TRMO: variants seen among roughly 807,000 people sequenced by gnomAD.
The protein encoded by TRMO is tRNA (adenine(37)-N6)-methyltransferase.
A neutral mutation model predicts 37.2 loss-of-function variants in TRMO; 30 were observed. That is an observed-to-expected ratio of 0.81 (90% CI 0.60 to 1.09). The LOEUF (loss-of-function observed/expected upper bound fraction) is 1.09. TRMO is among the 50% of genes least tolerant of loss of function. TRMO has a pLI of 0.00. For missense variants in TRMO, 552 were observed against 549.5 expected (o/e 1.00, Z -0.05); for synonymous variants, 239 against 199.4 (o/e 1.20, Z -1.67).
Position 97,913,507 on chromosome 9 carries a change from C to T in TRMO, c.303G>A (p.Val101=). The change falls in exon 3 of 5, where the codon GTG becomes GTA. Residue 101 remains valine, a synonymous_variant. Coordinates refer to ENST00000375119, the MANE Select transcript of TRMO (RefSeq NM_016481.5). ...TTGCACCATTCAGCCTAGGAGGCTG[C>T]ACTTTTGCCTTACAGCTCAAATGAC... ...KNGHLSCKAK[V]QPPRLNGAKT... is the part of the protein sequence containing the mutation. 1.9e-6 allele frequency: 3 copies of T among 1,613,926 alleles called. No homozygotes were observed. The highest frequency in any genetic ancestry group is 2.2e-5 in the South Asian group (2 of 91,044).
At chr9:97,919,899 T>C (rs1826546576) in intron 1 of TRMO, among the ~76,000 whole-genome samples, 1 of 152,210 alleles carries the variant, frequency 6.6e-6, no homozygotes, top group African/African-American at 2.4e-5. Context: ...GAAAGAGTTC[T>C]TCTAACTCTG....
downstream of TRMO, among the ~76,000 whole-genome samples, chr9:97,902,539 T>C (rs1825700134): frequency 6.6e-6 from 1 of 152,146 alleles, no homozygotes; most frequent in African/African-American, 2.4e-5. Context: ...TGACGTCAAA[T>C]GATCCACCCG....
chr9:97,919,219 T>C (rs1179029065), intron 1 of TRMO, among the ~76,000 whole-genome samples: 1 of 152,168 alleles, frequency 6.6e-6, no homozygotes, highest in Non-Finnish European at 1.5e-5. Context: ...ATATCTTCTT[T>C]ATGTCTGGAA....
At chr9:97,901,204 G>T (rs1184595051), downstream of TRMO, among the ~76,000 whole-genome samples, 3 of 152,140 alleles carry the variant, frequency 2.0e-5, no homozygotes, top group African/African-American at 2.4e-5. Flanking sequence ...GCACCAAAAA[G>T]CAAAGGCTAA....
At chr9:97,911,898 C>T (rs1826141359) in intron 3 of TRMO, 1 of 152,068 alleles carries the variant, frequency 6.6e-6, no homozygotes, top group African/African-American at 2.4e-5. Flanking sequence ...AATACAGGAC[C>T]CTGATTTCTG....
downstream of TRMO, among the ~76,000 whole-genome samples, chr9:97,904,226 T>C (rs1344519643): frequency 6.6e-6 from 1 of 152,196 alleles, no homozygotes; most frequent in Non-Finnish European, 1.5e-5. Flanking sequence ...TATATATATG[T>C]GTGTGTGACT....
chr9:97,904,894 G>T lies in TRMO; in HGVS notation c.1165C>A (p.Arg389=), dbSNP rs376134748. 4 of 1,614,176 alleles carry T rather than the reference G, an allele frequency of 2.5e-6. No individual in the cohort carries two copies. The Admixed American group carries it at 6.7e-5, about 27-fold the overall frequency. The change falls in exon 5 of 5, where the codon CGG becomes AGG. Residue 389 remains arginine (R), a synonymous_variant. Coordinates refer to ENST00000375119, the MANE Select transcript of TRMO (RefSeq NM_016481.5). Reference sequence around the variant, plus strand: ...AAAAGGCGGTCCTGGCAAAGCTTCCGGCGGTACACAGACCGAGGATCCGCT... The same window carrying T: ...AAAAGGCGGTCCTGGCAAAGCTTCCTGCGGTACACAGACCGAGGATCCGCT... ...LSADPRSVYR[R]KLCQDRLFYF...
intron 3 of TRMO, chr9:97,912,960 G>C: frequency 7.7e-7 from 1 of 1,302,296 alleles, no homozygotes; most frequent in South Asian, 1.2e-5. Context: ...CATGATATCT[G>C]TCCATTTCCC....
chr9:97,919,988 T>C (rs1178194211), intron 1 of TRMO, among the ~76,000 whole-genome samples: 1 of 152,214 alleles, frequency 6.6e-6, no homozygotes, highest in Non-Finnish European at 1.5e-5. Flanking sequence ...CTGGGACATA[T>C]TTATACATTC....
At chr9:97,907,604 G>A (rs749680778) in intron 4 of TRMO, among the ~76,000 whole-genome samples, 44 of 152,154 alleles carry the variant, frequency 2.9e-4, no homozygotes, top group Admixed American at 1.4e-3. Flanking sequence ...TCACTGAGGT[G>A]TGACATCCCA....
At chr9:97,907,393 T>G (rs1442223052) in intron 4 of TRMO, among the ~76,000 whole-genome samples, 1 of 152,208 alleles carries the variant, frequency 6.6e-6, no homozygotes, top group African/African-American at 2.4e-5. Flanking sequence ...CAGTCCCAAC[T>G]TTTAGACTTC....
downstream of TRMO, among the ~76,000 whole-genome samples, chr9:97,899,767 C>T (rs570339863): frequency 2.0e-5 from 3 of 152,050 alleles, no homozygotes; most frequent in South Asian, 4.2e-4. Context: ...TGGTGGCGTG[C>T]GCCTGTAGCC....
intron 1 of TRMO, among the ~76,000 whole-genome samples, chr9:97,917,537 A>C (rs1826425757): frequency 6.6e-6 from 1 of 152,220 alleles, no homozygotes; most frequent in South Asian, 2.1e-4. Flanking sequence ...ATTAATGTGG[A>C]AATTGAAAAA....
intron 2 of TRMO, among the ~76,000 whole-genome samples, chr9:97,914,714 A>G (rs1412685770): frequency 6.6e-6 from 1 of 152,222 alleles, no homozygotes; most frequent in African/African-American, 2.4e-5. Context: ...CTGTCGTGAA[A>G]GTTCTCCATG....
chr9:97,921,992 C>A (rs1402946714), intron 1 of TRMO, among the ~76,000 whole-genome samples: 2 of 152,084 alleles, frequency 1.3e-5, no homozygotes, highest in Non-Finnish European at 2.9e-5. Context: ...TCTTTCTAGG[C>A]CCAATTTAAA....
intron 1 of TRMO, 118 bp downstream of exon 1, chr9:97,922,300 G>A (rs1438208757): frequency 4.2e-6 from 3 of 710,556 alleles, no homozygotes; most frequent in East Asian, 2.8e-5. Context: ...TTCGCCGTAG[G>A]TAAAAGAATG....
At chr9:97,900,802 A>T, downstream of TRMO, 1 of 882,788 alleles carries the variant, frequency 1.1e-6, no homozygotes, top group Non-Finnish European at 1.4e-6. Context: ...AAACCCTACC[A>T]ACAAGAGGTT....
chr9:97,919,272 CTG>C (rs1826511977), intron 1 of TRMO, among the ~76,000 whole-genome samples: 1 of 151,862 alleles, frequency 6.6e-6, no homozygotes. Flanking sequence ...CACAAAATCC[CTG>C]TGTCTTCTTT....
intron 1 of TRMO, among the ~76,000 whole-genome samples, chr9:97,920,966 T>G (rs1826598877): frequency 6.6e-6 from 1 of 152,194 alleles, no homozygotes; most frequent in African/African-American, 2.4e-5. Context: ...CCCTGTTCCA[T>G]CCAACACTTT....
Sources: gnomAD v4.1 joint callset for allele counts (sites outside exome capture counted in the v4.1 genomes callset) on GRCh38, gnomAD v4.1.1 for gene constraint, MANE v1.5 for transcripts, NCBI Gene and HGNC (gene_info 2026-07-23, HGNC 2026-07-21) for gene names.